The following SLCO2A1 variants were observed in gnomAD, a reference collection of about 807,000 sequenced individuals.
SLCO2A1 encodes matrin F/G 1.
A neutral mutation model predicts 71.7 loss-of-function variants in SLCO2A1; 60 were observed. That is an observed-to-expected ratio of 0.84 (90% CI 0.68 to 1.04). The LOEUF (loss-of-function observed/expected upper bound fraction) is 1.04. Among genes scored for constraint, SLCO2A1 ranks in the 50% least tolerant of loss-of-function variants. The pLI, the probability that SLCO2A1 is intolerant of heterozygous loss-of-function variation, is 0.00. For missense variants in SLCO2A1, 745 were observed against 813.4 expected (o/e 0.92, Z 1.02); for synonymous variants, 308 against 326.7 (o/e 0.94, Z 0.62).
At chr3:133,973,493 T>C (rs1934376718) in intron 3 of SLCO2A1, among the ~76,000 whole-genome samples, 170 bp downstream of exon 3, 1 of 152,244 alleles carries the variant, frequency 6.6e-6, no homozygotes, top group African/African-American at 2.4e-5. Context: ...CACACTTTCC[T>C]GAACAAACCA....
chr3:134,021,073 T>C (rs139532252), intron 1 of SLCO2A1, among the ~76,000 whole-genome samples: 47 of 151,976 alleles, frequency 3.1e-4, no homozygotes, highest in Non-Finnish European at 4.7e-4. Flanking sequence ...CTTGATACTT[T>C]GGTTTTGGTT....
intron 8 of SLCO2A1, 84 bp downstream of exon 8, chr3:133,948,452 C>T (rs1285983668): frequency 2.0e-5 from 29 of 1,437,730 alleles, no homozygotes; most frequent in South Asian, 5.2e-5. Flanking sequence ...GTCTGGCCTG[C>T]GCCCATCCCT....
intron 1 of SLCO2A1, among the ~76,000 whole-genome samples, chr3:133,989,415 C>A (rs1187341040): frequency 6.6e-6 from 1 of 152,178 alleles, no homozygotes; most frequent in Non-Finnish European, 1.5e-5. Context: ...TGGTAACACC[C>A]CTCTGAGACT....
intron 1 of SLCO2A1, among the ~76,000 whole-genome samples, chr3:134,015,083 T>G (rs965307111): frequency 6.6e-6 from 1 of 152,184 alleles, no homozygotes; most frequent in African/African-American, 2.4e-5. Context: ...TAAAATTTGG[T>G]ATCCATAAGA....
chr3:133,978,360 G>T (rs1034510185), intron 2 of SLCO2A1, among the ~76,000 whole-genome samples: 6 of 152,164 alleles, frequency 3.9e-5, no homozygotes, highest in Non-Finnish European at 8.8e-5. Flanking sequence ...CTGATGCCGG[G>T]TTCCTTGTCT....
chr3:133,944,477 G>T (rs1342517814), intron 10 of SLCO2A1, among the ~76,000 whole-genome samples: 1 of 152,228 alleles, frequency 6.6e-6, no homozygotes, highest in Non-Finnish European at 1.5e-5. Flanking sequence ...TTTGCCAAGT[G>T]AGTCTAGTGA....
Position 133,954,973 on chromosome 3 carries a change from C to T in SLCO2A1, c.618G>A (p.Leu206=). Residue 206 remains leucine (L), a synonymous_variant, in exon 4 of 14, where the codon CTG becomes CTA. Transcript: ENST00000310926. ...DDFSEPSNSP[L]YISILFAISV... The stretch of plus-strand genomic sequence containing the variant: ...TTCAAGCCGGTGACTCACAGATGTA[C>T]AGGGGCGAGTTGCTGGGCTCTGAGA... The T allele has an allele frequency of 1.2e-6, 2 of 1,613,776 alleles. No homozygotes were observed. Among genetic ancestry groups the T allele is most frequent in the Non-Finnish European group, 1.7e-6 (2 of 1,179,800 alleles).
intron 1 of SLCO2A1, among the ~76,000 whole-genome samples, chr3:134,021,289 A>C (rs1935571093): frequency 6.6e-6 from 1 of 152,200 alleles, no homozygotes; most frequent in Non-Finnish European, 1.5e-5. Context: ...TTCAAAAAAG[A>C]ATTTAAAGGA....
intron 1 of SLCO2A1, among the ~76,000 whole-genome samples, chr3:134,024,441 C>A (rs1387648033): frequency 1.3e-5 from 2 of 152,252 alleles, no homozygotes; most frequent in Non-Finnish European, 2.9e-5. Context: ...CAACCAACAG[C>A]AACGAGCTTT....
chr3:133,979,662 C>T, intron 1 of SLCO2A1, 44 bp from the exon 2 acceptor site: 1 of 1,552,124 alleles, frequency 6.4e-7, no homozygotes, highest in Non-Finnish European at 8.7e-7. Context: ...GGACGACAAG[C>T]CCTGGCGCCC....
chr3:133,972,075 G>T (rs13099305), intron 3 of SLCO2A1, among the ~76,000 whole-genome samples: 1 of 151,976 alleles, frequency 6.6e-6, no homozygotes, highest in African/African-American at 2.4e-5. Flanking sequence ...CTACTAGAAC[G>T]ATCTGAAAAA....
At chr3:133,942,359 G>A (rs1485919273) in intron 11 of SLCO2A1, 5 of 392,890 alleles carry the variant, frequency 1.3e-5, no homozygotes, top group East Asian at 4.2e-5. Context: ...TCACATGGAC[G>A]CTGTGGGACT....
intron 1 of SLCO2A1, among the ~76,000 whole-genome samples, chr3:133,983,617 C>G (rs35091917): frequency 0.22 from 33,853 of 152,178 alleles, 4,536 homozygotes; most frequent in African/African-American, 0.38. Context: ...TCACAGTCTT[C>G]CCCTTCTTTG....
intron 5 of SLCO2A1, among the ~76,000 whole-genome samples, chr3:133,952,182 T>TC (rs1384797077): frequency 9.2e-5 from 14 of 152,066 alleles, no homozygotes; most frequent in African/African-American, 3.4e-4. Context: ...AGGAACCAAT[T>TC]CGGGGAGTGC....
At chr3:133,962,224 C>T (rs1041717721) in intron 3 of SLCO2A1, among the ~76,000 whole-genome samples, 1 of 152,162 alleles carries the variant, frequency 6.6e-6, no homozygotes, top group Admixed American at 6.5e-5. Context: ...AGATTACAGG[C>T]ACATGCTACC....
chr3:133,947,242 C>T lies in SLCO2A1; in HGVS notation c.1295+14G>A. 1 of 1,611,870 alleles carries T rather than the reference C, an allele frequency of 6.2e-7. No individual in the cohort carries two copies. Among genetic ancestry groups the T allele is most frequent in the Non-Finnish European group, 8.5e-7 (1 of 1,178,216 alleles). On this transcript the variant is annotated intron_variant, in intron 9 of 13. Coordinates refer to ENST00000310926, the MANE Select transcript of SLCO2A1 (RefSeq NM_005630.3). ...CTTATTAAAGGGGATCTCTCTACCCCTTATTCCCATTACCTAGGGGGGTAG... is the reference window on the plus strand; with the variant it reads ...CTTATTAAAGGGGATCTCTCTACCCTTTATTCCCATTACCTAGGGGGGTAG...
intron 13 of SLCO2A1, among the ~76,000 whole-genome samples, chr3:133,935,463 C>T (rs1270370069): frequency 6.6e-6 from 1 of 152,192 alleles, no homozygotes; most frequent in Non-Finnish European, 1.5e-5. Context: ...CTTCCTTGGG[C>T]TCCAGCCATC....
At chr3:133,938,314 TC>T in intron 12 of SLCO2A1, 114 bp downstream of exon 12, 1 of 927,736 alleles carries the variant, frequency 1.1e-6, no homozygotes, top group Non-Finnish European at 1.8e-6. Flanking sequence ...ATGCACAGCT[TC>T]TCTTCGCCAT....
At chr3:133,946,130 G>A (rs1290425054) in intron 9 of SLCO2A1, among the ~76,000 whole-genome samples, 1 of 151,802 alleles carries the variant, frequency 6.6e-6, no homozygotes, top group Non-Finnish European at 1.5e-5. Flanking sequence ...TCAGCCTGCA[G>A]AAGTGCCGTA....
Sources: gnomAD v4.1 joint callset for allele counts (sites outside exome capture counted in the v4.1 genomes callset) on GRCh38, gnomAD v4.1.1 for gene constraint, MANE v1.5 for transcripts, NCBI Gene and HGNC (gene_info 2026-07-23, HGNC 2026-07-21) for gene names.